The following EGFL6 variants were observed in gnomAD, a reference collection of about 807,000 sequenced individuals.
The protein encoded by EGFL6 is EGF like domain multiple 6.
A neutral mutation model predicts 43.1 loss-of-function variants in EGFL6; 42 were observed. That is an observed-to-expected ratio of 0.98 (90% CI 0.76 to 1.26). The LOEUF (loss-of-function observed/expected upper bound fraction) is 1.26, where lower values mean the gene tolerates loss of function less well. EGFL6 is among the 50% of genes most tolerant of loss of function. The pLI is 0.00. For missense variants in EGFL6, 429 were observed against 427.8 expected (o/e 1.00, Z -0.02); for synonymous variants, 164 against 163.2 (o/e 1.01, Z -0.04).
At chrX:13,625,838 A>G (rs1229470000) in intron 10 of EGFL6, among the ~76,000 whole-genome samples, 1 of 99,324 alleles carries the variant, frequency 1.0e-5, no homozygotes. Flanking sequence ...ATGAGCTATG[A>G]TGGCACCCCT....
chrX:13,624,887 G>A (rs1475222348), intron 10 of EGFL6, among the ~76,000 whole-genome samples: 1 of 111,909 alleles, frequency 8.9e-6, no homozygotes, highest in African/African-American at 3.3e-5. Flanking sequence ...ATCTCACACA[G>A]CAGTTGTGTG....
Position 13,617,859 on chromosome X carries a change from C to T in EGFL6, c.908C>T (p.Pro303Leu), listed in dbSNP as rs1452474553. ...AAAATTAAAAATGTTACCCCAGAAC[C>T]CACCAGGACTCCTACCCCTAAGGTG... The part of the protein sequence containing the change: ...KAKIKNVTPE[P>L]TRTPTPKVNL... Residue 303 changes from proline to leucine, a missense_variant, in exon 8 of 12, where the codon CCC (proline) becomes CTC (leucine). By Grantham distance (98) the Pro-to-Leu change is moderately conservative. Transcript: ENST00000361306. 1 of 1,211,213 alleles carries T rather than the reference C, an allele frequency of 8.3e-7. No homozygotes were observed. The highest frequency in any genetic ancestry group is 3.0e-5 in the East Asian group (1 of 33,821).
chrX:13,600,238 T>TCTTTCTTTCTTTTC (rs2045624705), intron 4 of EGFL6, 144 bp downstream of exon 4: 1 of 486,573 alleles, frequency 2.1e-6, no homozygotes, highest in African/African-American at 2.7e-5. Context: ...GGCACTTGTT[T>TCTTTCTTTCTTTTC]CTTTCTTTCT....
chrX:13,576,705 G>C (rs192954616), intron 1 of EGFL6, among the ~76,000 whole-genome samples: 38 of 111,757 alleles, frequency 3.4e-4, no homozygotes, highest in African/African-American at 1.2e-3. Flanking sequence ...GGTCCCACTG[G>C]CAATGTTGAC....
intron 1 of EGFL6, among the ~76,000 whole-genome samples, chrX:13,581,914 C>T (rs1160629168): frequency 9.0e-6 from 1 of 111,358 alleles, no homozygotes; most frequent in African/African-American, 3.3e-5. Flanking sequence ...AGACTCGGTT[C>T]CCTGAGCCTC....
chrX:13,596,607 A>G (rs975795173), intron 3 of EGFL6: 12 of 111,828 alleles, frequency 1.1e-4, no homozygotes, highest in African/African-American at 3.6e-4. Context: ...TGCAGTGACT[A>G]TACTGCATCC....
At chrX:13,595,967 GC>G (rs980008393) in intron 3 of EGFL6, among the ~76,000 whole-genome samples, 1 of 110,755 alleles carries the variant, frequency 9.0e-6, no homozygotes, top group African/African-American at 3.3e-5. Flanking sequence ...CCATCCTCCC[GC>G]CTTGCCCTCC....
chrX:13,623,946 C>A, intron 10 of EGFL6, 21 bp downstream of exon 10: 1 of 1,110,092 alleles, frequency 9.0e-7, no homozygotes, highest in Non-Finnish European at 1.2e-6. Flanking sequence ...TTGACAGTTT[C>A]ATGTTCTGCA....
In EGFL6 at chrX:13,618,795, A is replaced by C. The variant is rs1200227722; in HGVS notation, c.1103-368A>C. Among the ~76,000 whole-genome samples, 3 of 111,299 alleles carry C rather than the reference A, an allele frequency of 2.7e-5. No homozygotes were observed. In the East Asian group the frequency reaches 8.5e-4, roughly 31 times the overall value. ...ATATATACAAATGCCAGATGGATTT[A>C]ACCAAAGGAAAAGTAGACACAGGCC... is the stretch of plus-strand genomic sequence containing the variant. On this transcript the variant is annotated intron_variant, in intron 8 of 11. Transcript: ENST00000361306.
chrX:13,577,412 A>G (rs992103614), intron 1 of EGFL6, among the ~76,000 whole-genome samples: 22 of 98,987 alleles, frequency 2.2e-4, no homozygotes, highest in African/African-American at 7.2e-4. Context: ...ATGTATAAAC[A>G]TATAAAACTA....
At chrX:13,602,960 C>T (rs1399676015) in intron 4 of EGFL6, among the ~76,000 whole-genome samples, 1 of 112,225 alleles carries the variant, frequency 8.9e-6, no homozygotes, top group Non-Finnish European at 1.9e-5. Context: ...TGATAATCTC[C>T]ATCAGCAGTT....
Position 13,631,033 on chromosome X carries a change from A to G in EGFL6, c.1552-1952A>G, listed in dbSNP as rs1054955711. Among the ~76,000 whole-genome samples, 9 of 112,618 alleles carry G rather than the reference A, an allele frequency of 8.0e-5. No homozygotes were observed. In the Admixed American group the frequency reaches 8.4e-4, roughly 11 times the overall value. On this transcript the variant is annotated intron_variant, in intron 11 of 11. Transcript: ENST00000361306. ...TTCATAATCATACTACAGTAACATG[A>G]GTGCTTTTATATTTCACATTTTACT... is the stretch of plus-strand genomic sequence containing the variant.
chrX:13,569,967 C>G (rs756234029), intron 1 of EGFL6, 32 bp downstream of exon 1: 5 of 1,195,528 alleles, frequency 4.2e-6, no homozygotes, highest in African/African-American at 1.7e-5. Context: ...GGCTTCCCCC[C>G]ACCCCCGGCC....
intron 7 of EGFL6, among the ~76,000 whole-genome samples, chrX:13,616,924 C>A (rs2045721893): frequency 9.8e-6 from 1 of 102,288 alleles, no homozygotes; most frequent in African/African-American, 3.7e-5. Flanking sequence ...CTGCGGACTG[C>A]AGTGGCGCAA....
At chrX:13,607,046 C>T (rs1023965699) in intron 6 of EGFL6, among the ~76,000 whole-genome samples, 3 of 111,866 alleles carry the variant, frequency 2.7e-5, no homozygotes, top group Non-Finnish European at 5.6e-5. Flanking sequence ...ATAATGTTCC[C>T]TTTCCACAGT....
intron 8 of EGFL6, among the ~76,000 whole-genome samples, chrX:13,618,588 C>T (rs1569209077): frequency 1.8e-5 from 2 of 111,982 alleles, no homozygotes; most frequent in African/African-American, 3.2e-5. Flanking sequence ...AGAGAACTGC[C>T]GTAACTCCCT....
chrX:13,576,363 C>G (rs1378769927), intron 1 of EGFL6, among the ~76,000 whole-genome samples: 1 of 111,868 alleles, frequency 8.9e-6, no homozygotes, highest in African/African-American at 3.3e-5. Context: ...GGTGCTAAAC[C>G]ATTCATGAGA....
At chrX:13,581,148 T>C (rs1045576826) in intron 1 of EGFL6, among the ~76,000 whole-genome samples, 4 of 111,857 alleles carry the variant, frequency 3.6e-5, no homozygotes, top group South Asian at 7.5e-4. Context: ...ATGAGGGAAA[T>C]AGAGGAAGCA....
rs1053008405 is a variant in EGFL6, at chrX:13,602,240, G to C, written c.401-1077G>C. 3.6e-5 allele frequency among the ~76,000 whole-genome samples: 4 copies of C among 111,061 alleles called. No individual in the cohort carries two copies. The East Asian group carries it at 1.1e-3, about 31-fold the overall frequency. The stretch of plus-strand genomic sequence containing the variant: ...GCTGGGTGATTGGCACGTTCTGGAG[G>C]GGGATGGAGGGAGGGAGTACATTCA... On this transcript the variant is annotated intron_variant, in intron 4 of 11. Coordinates refer to ENST00000361306, the MANE Select transcript of EGFL6 (RefSeq NM_015507.4).
Sources: gnomAD v4.1 joint callset for allele counts (sites outside exome capture counted in the v4.1 genomes callset) on GRCh38, gnomAD v4.1.1 for gene constraint, MANE v1.5 for transcripts, NCBI Gene and HGNC (gene_info 2026-07-23, HGNC 2026-07-21) for gene names.